STPG2: variants seen among roughly 807,000 people sequenced by gnomAD.
STPG2 encodes sperm tail PG-rich repeat containing 2, also known as sperm-tail PG-rich repeat-containing protein 2.
In STPG2, 56 loss-of-function variants were observed where a neutral mutation model predicts 54.2. That is an observed-to-expected ratio of 1.03 (90% confidence interval 0.83 to 1.29). The LOEUF is 1.29. Ranked by LOEUF, STPG2 falls within the 50% of genes most tolerant of loss-of-function variation. The pLI, the probability that STPG2 is intolerant of heterozygous loss-of-function variation, is 0.00. For missense variants in STPG2, 596 were observed against 544.9 expected, an observed-to-expected ratio of 1.09 and a Z score of -0.93; for synonymous variants, 200 against 181.8, an observed-to-expected ratio of 1.10 and a Z score of -0.81.
Position 98,002,471 on chromosome 4 carries a change from AAAG to A in STPG2, c.613-21156_613-21154del, listed in dbSNP as rs1373226769. 3.3e-5 allele frequency among the ~76,000 whole-genome samples: 5 copies of A among 152,132 alleles called. No homozygotes were observed. In the East Asian group the frequency reaches 7.7e-4, roughly 24 times the overall value. On this transcript the variant is annotated intron_variant, in intron 5 of 10. Transcript: ENST00000295268. Reference sequence around the variant, plus strand: ...GGAGGATGGGCAATGGCAATCAGAAAAAGAAGTAGGAAAGTAGCTCAGCTGGCC... The same window carrying A: ...GGAGGATGGGCAATGGCAATCAGAAAAAGTAGGAAAGTAGCTCAGCTGGCC...
chr4:97,608,468 G>A (rs940804081), intron 10 of STPG2, among the ~76,000 whole-genome samples: 14 of 152,012 alleles, frequency 9.2e-5, no homozygotes, highest in Non-Finnish European at 1.9e-4. Context: ...TGCTGTGCAC[G>A]TGTCTTTCTT....
Position 97,571,123 on chromosome 4 carries a change from T to C in STPG2, c.1321-12006A>G, listed in dbSNP as rs145578937. On this transcript the variant is annotated intron_variant, in intron 10 of 10. Transcript: ENST00000295268. ...AGTATTTAAATGTAATTAAAATAAT[T>C]TTAATTATTTTTAAATTTTTATTTC... 2.4e-3 allele frequency among the ~76,000 whole-genome samples: 367 copies of C among 152,100 alleles called. 2 individuals carry two copies. Among genetic ancestry groups the C allele is most frequent in the African/African-American group, 8.4e-3 (351 of 41,564 alleles).
rs528903899 is a variant in STPG2, at chr4:97,600,340, C to T, written c.1321-41223G>A. On this transcript the variant is annotated intron_variant, in intron 10 of 10. Transcript: ENST00000295268. ...CCCTTGTACCAGAACATGCTAGGTG[C>T]TAGAATATAAACATGTCTAAAATAA... Among the ~76,000 whole-genome samples the T allele has an allele frequency of 2.6e-5, 4 of 152,146 alleles. No individual in the cohort carries two copies. The South Asian group carries it at 6.2e-4, about 24-fold the overall frequency.
intron 9 of STPG2, among the ~76,000 whole-genome samples, chr4:97,776,115 A>G (rs1726366312): frequency 6.6e-6 from 1 of 152,178 alleles, no homozygotes; most frequent in Admixed American, 6.5e-5. Flanking sequence ...TAATTTTTGA[A>G]TGCTGTTTGT....
chr4:97,813,173 C>G (rs1186990413), intron 9 of STPG2, among the ~76,000 whole-genome samples: 1 of 152,036 alleles, frequency 6.6e-6, no homozygotes, highest in Non-Finnish European at 1.5e-5. Context: ...CCTCCTATCT[C>G]TTATTATAAG....
intron 9 of STPG2, among the ~76,000 whole-genome samples, chr4:97,795,809 G>C (rs528996354): frequency 2.6e-5 from 4 of 152,034 alleles, no homozygotes; most frequent in Non-Finnish European, 5.9e-5. Flanking sequence ...AGTTTACAGT[G>C]CCACCAACAG....
intron 5 of STPG2, among the ~76,000 whole-genome samples, chr4:98,007,154 T>A (rs1262652099): frequency 6.6e-6 from 1 of 152,160 alleles, no homozygotes; most frequent in African/African-American, 2.4e-5. Context: ...CTTTTTCTGA[T>A]AAACAAAGAT....
At chr4:97,725,403 G>GA (rs1347145613) in intron 9 of STPG2, among the ~76,000 whole-genome samples, 2 of 149,936 alleles carry the variant, frequency 1.3e-5, no homozygotes, top group Non-Finnish European at 3.0e-5. Context: ...AAAATAAATA[G>GA]AAAAACTGAC....
intron 8 of STPG2, among the ~76,000 whole-genome samples, chr4:97,940,495 C>T (rs1441796136): frequency 1.3e-5 from 2 of 152,144 alleles, no homozygotes; most frequent in African/African-American, 2.4e-5. Flanking sequence ...TTTGTTCATT[C>T]CTTTTTGTTC....
At chr4:97,916,148 G>T (rs1042780849) in intron 8 of STPG2, among the ~76,000 whole-genome samples, 4 of 152,060 alleles carry the variant, frequency 2.6e-5, no homozygotes, top group Non-Finnish European at 5.9e-5. Context: ...CTCTCCAAAA[G>T]GTCCATGTTT....
At chr4:97,945,808 C>T (rs1302105227) in intron 7 of STPG2, among the ~76,000 whole-genome samples, 7 of 152,086 alleles carry the variant, frequency 4.6e-5, no homozygotes, top group Non-Finnish European at 1.0e-4. Context: ...CCTGTAATCC[C>T]ACCACTTTGG....
chr4:97,686,147 G>T (rs1005107009), intron 10 of STPG2, among the ~76,000 whole-genome samples: 1 of 152,158 alleles, frequency 6.6e-6, no homozygotes, highest in African/African-American at 2.4e-5. Context: ...CATGAACACG[G>T]TGTCCTGTCT....
chr4:97,866,328 A>C (rs1291744566), intron 8 of STPG2, among the ~76,000 whole-genome samples: 1 of 151,994 alleles, frequency 6.6e-6, no homozygotes, highest in Non-Finnish European at 1.5e-5. Context: ...ATTATTATGC[A>C]CTGTATGCCT....
intron 10 of STPG2, among the ~76,000 whole-genome samples, chr4:97,574,838 C>A (rs1289248621): frequency 6.6e-6 from 1 of 151,828 alleles, no homozygotes; most frequent in Non-Finnish European, 1.5e-5. Context: ...CACTTCATCA[C>A]TATTTTAAGA....
intron 10 of STPG2, among the ~76,000 whole-genome samples, chr4:97,609,941 ATAT>A (rs1048808092): frequency 2.6e-5 from 4 of 151,836 alleles, no homozygotes. Flanking sequence ...ATGTATATAT[ATAT>A]TATATGTGTA....
At chr4:97,486,804 G>GGTGT (rs546341277) in intron 4 of STPG2, among the ~76,000 whole-genome samples, 2,206 of 130,842 alleles carry the variant, frequency 0.017, 67 homozygotes, top group African/African-American at 0.062. Context: ...AAGAAACTGT[G>GGTGT]GTGTGTGTGT....
chr4:97,898,862 C>T (rs1395490525), intron 8 of STPG2, among the ~76,000 whole-genome samples: 1 of 151,314 alleles, frequency 6.6e-6, no homozygotes, highest in Non-Finnish European at 1.5e-5. Context: ...TATAAAAATT[C>T]AATTATTATT....
intron 6 of STPG2, among the ~76,000 whole-genome samples, chr4:97,978,591 G>C (rs1183911064): frequency 6.6e-6 from 1 of 152,036 alleles, no homozygotes; most frequent in African/African-American, 2.4e-5. Context: ...GAAACAGCCT[G>C]TACAAGAAAC....
chr4:97,461,352 A>G (rs778210038), intron 4 of STPG2, among the ~76,000 whole-genome samples: 3 of 152,194 alleles, frequency 2.0e-5, no homozygotes, highest in African/African-American at 7.2e-5. Context: ...CCCAAAAATC[A>G]TATGTTGAAA....
Sources: gnomAD v4.1 joint callset for allele counts (sites outside exome capture counted in the v4.1 genomes callset) on GRCh38, gnomAD v4.1.1 for gene constraint, MANE v1.5 for transcripts, NCBI Gene and HGNC (gene_info 2026-07-23, HGNC 2026-07-21) for gene names.